Variants in HDGFL2 observed in about 807,000 individuals in gnomAD.
HDGFL2 encodes hepatoma-derived growth factor-related protein 2.
In HDGFL2, 36 loss-of-function variants were observed where a neutral mutation model predicts 77.1. The ratio of observed to expected loss-of-function variants is 0.47; its 90% CI spans 0.36 to 0.62. The LOEUF (loss-of-function observed/expected upper bound fraction) is 0.62. Among genes scored for constraint, HDGFL2 ranks in the 20% least tolerant of loss-of-function variants. The probability of loss-of-function intolerance (pLI) is 0.00; values close to 1 mark genes in which losing one functional copy is unlikely to be tolerated. For missense variants in HDGFL2, 976 were observed against 973.4 expected (o/e 1.00, Z -0.04); for synonymous variants, 463 against 413.1 (o/e 1.12, Z -1.46).
chr19:4,501,681 C>T (rs1568220423), intron 15 of HDGFL2: 2 of 500,080 alleles, frequency 4.0e-6, no homozygotes, highest in Non-Finnish European at 7.0e-6. Flanking sequence ...TCAGTGGAGT[C>T]ACTCACTTAC....
chr19:4,475,682 G>T lies in HDGFL2; in HGVS notation c.288+99G>T, dbSNP rs1975054267. On this transcript the variant is annotated intron_variant, in intron 3 of 15. Transcript: ENST00000616600. ...CCCCTGGGCACTGTGGACACATGGG[G>T]CTCGATCGTTCCCTGTGGTGGGGCA... 2.2e-6 allele frequency: 3 copies of T among 1,389,496 alleles called. No homozygotes were observed. In the East Asian group the frequency reaches 7.4e-5, roughly 34 times the overall value. The allele number at this position is 1,389,496 out of a possible 1,614,324, so 86.1% of individuals were successfully genotyped here.
intron 12 of HDGFL2, 85 bp downstream of exon 12, chr19:4,498,461 C>G: frequency 9.0e-7 from 1 of 1,114,510 alleles, no homozygotes; most frequent in Non-Finnish European, 1.3e-6. Context: ...GAAACTGAGG[C>G]AAAGCCGGGG....
At chr19:4,485,431 A>G (rs1975335212) in intron 3 of HDGFL2, among the ~76,000 whole-genome samples, 1 of 151,942 alleles carries the variant, frequency 6.6e-6, no homozygotes, top group South Asian at 2.1e-4. Flanking sequence ...TTTTCAGAGA[A>G]TGTGGCTTTT....
intron 3 of HDGFL2, among the ~76,000 whole-genome samples, chr19:4,477,758 C>T (rs1267583360): frequency 6.6e-6 from 1 of 152,166 alleles, no homozygotes; most frequent in Non-Finnish European, 1.5e-5. Flanking sequence ...TCTGGCCCAT[C>T]TATGCTTCTA....
chr19:4,475,703 G>T, intron 3 of HDGFL2, 120 bp downstream of exon 3: 1 of 1,230,808 alleles, frequency 8.1e-7, no homozygotes, highest in Non-Finnish European at 1.1e-6. Flanking sequence ...CCCTGTGGTG[G>T]GGCATTCTGG....
intron 3 of HDGFL2, among the ~76,000 whole-genome samples, chr19:4,486,998 C>T (rs558309453): frequency 3.9e-5 from 6 of 152,156 alleles, no homozygotes; most frequent in African/African-American, 1.4e-4. Context: ...CGGAGTCTCG[C>T]TCTGTCACCC....
At chr19:4,496,482 G>T in intron 10 of HDGFL2, 77 bp downstream of exon 10, 1 of 1,106,326 alleles carries the variant, frequency 9.0e-7, no homozygotes, top group Non-Finnish European at 1.3e-6. Context: ...CCCTCACAGG[G>T]GCAGCCCCAC....
intron 6 of HDGFL2, among the ~76,000 whole-genome samples, chr19:4,492,562 G>A (rs1975545982): frequency 6.6e-6 from 1 of 151,398 alleles, no homozygotes; most frequent in Admixed American, 6.6e-5. Context: ...GTGTTTGTGT[G>A]TCTGGTGTGT....
intron 3 of HDGFL2, among the ~76,000 whole-genome samples, chr19:4,477,144 T>C (rs1281403171): frequency 6.6e-6 from 1 of 152,090 alleles, no homozygotes; most frequent in Non-Finnish European, 1.5e-5. Flanking sequence ...GCCTCTCCTT[T>C]GTTTCGGCCT....
chr19:4,486,403 CTGAA>C (rs1279092379), intron 3 of HDGFL2: 3 of 151,792 alleles, frequency 2.0e-5, no homozygotes, highest in African/African-American at 7.3e-5. Context: ...ATGATCATCA[CTGAA>C]TGAATGAGTA....
intron 1 of HDGFL2, among the ~76,000 whole-genome samples, chr19:4,472,871 C>T (rs1477662282): frequency 1.5e-4 from 22 of 145,012 alleles, no homozygotes; most frequent in Non-Finnish European, 2.1e-4. Context: ...TGGGGGTGTC[C>T]AAGCCCTGCA....
chr19:4,501,114 C>A (rs1975863499), intron 14 of HDGFL2, 77 bp from the exon 15 acceptor site: 18 of 1,584,238 alleles, frequency 1.1e-5, no homozygotes, highest in Non-Finnish European at 1.5e-5. Context: ...GCCCCTGGTC[C>A]AGTCCTTGAC....
In HDGFL2 at chr19:4,501,334, G is replaced by A. The variant is rs202044743; in HGVS notation, c.1916+17G>A. 56 of 1,573,796 alleles carry A rather than the reference G, an allele frequency of 3.6e-5. No homozygotes were observed. The East Asian group carries it at 6.6e-4, about 19-fold the overall frequency. On this transcript the variant is annotated intron_variant, in intron 15 of 15. Coordinates refer to ENST00000616600, the MANE Select transcript of HDGFL2 (RefSeq NM_001001520.3). Reference sequence around the variant, plus strand: ...CCTGCACGAGTGAGTGTCCCGGGCCGTGGGGTTTGGACTCCTGAGCGGCAG... The same window carrying A: ...CCTGCACGAGTGAGTGTCCCGGGCCATGGGGTTTGGACTCCTGAGCGGCAG...
At chr19:4,485,697 G>A (rs551903599) in intron 3 of HDGFL2, among the ~76,000 whole-genome samples, 2 of 151,356 alleles carry the variant, frequency 1.3e-5, no homozygotes, top group Non-Finnish European at 2.9e-5. Context: ...AACCGAGATG[G>A]CACCACTGCC....
rs1599715003 is a variant in HDGFL2, at chr19:4,491,494, C to T, written c.490-72C>T. On this transcript the variant is annotated intron_variant, in intron 4 of 15. Transcript: ENST00000616600. ...GAGCTCAGCTGTCGTGGGTGGTGGG[C>T]AGTCAGCTGGGGGCTTCCTGCCAGG... 7.6e-6 allele frequency: 10 copies of T among 1,321,364 alleles called. No homozygotes were observed. In the East Asian group the frequency reaches 2.3e-4, roughly 30 times the overall value. 81.9% of individuals were successfully genotyped at this position (1,321,364 alleles called of 1,614,324 possible).
chr19:4,494,216 C>T lies in HDGFL2; in HGVS notation c.965C>T (p.Ala322Val), dbSNP rs1330698344. Reference protein sequence around the residue: ...RISEWKRRDEARRRELEARRR... With the variant: ...RISEWKRRDEVRRRELEARRR... ...AGTGAGTGGAAGCGGCGGGACGAGG[C>T]GCGGAGGCGCGAGCTGGAGGCCCGG... Residue 322 changes from alanine (A) to valine (V), a missense_variant, in exon 9 of 16, where the codon GCG (alanine) becomes GTG (valine). Transcript: ENST00000616600. The T allele has an allele frequency of 6.8e-7, 1 of 1,465,076 alleles. No homozygotes were observed. The highest frequency in any genetic ancestry group is 9.0e-7 in the Non-Finnish European group (1 of 1,112,494). The allele number at this position is 1,465,076 out of a possible 1,614,324, so 90.8% of individuals were successfully genotyped here. A position where few individuals can be genotyped will look rare whatever the true frequency, so the allele number is the denominator to read the frequency against.
intron 15 of HDGFL2, 22 bp downstream of exon 15, chr19:4,501,339 G>A: frequency 1.9e-6 from 3 of 1,567,572 alleles, no homozygotes; most frequent in South Asian, 2.4e-5. Context: ...GGGCCGTGGG[G>A]TTTGGACTCC....
rs756983810 is a variant in HDGFL2, at chr19:4,488,784, G to A, written c.397G>A (p.Ala133Thr). ...RGVMAVTAVT[A>T]TAASDRMESD... is the part of the protein sequence containing the mutation. ...GGTCATGGCCGTCACAGCGGTAACC[G>A]CCACAGCTGCCAGCGACAGGATGGA... Residue 133 changes from alanine to threonine, a missense_variant, in exon 4 of 16, where the codon GCC becomes ACC. Ala to Thr is a moderately conservative substitution (Grantham distance 58, BLOSUM62 0). Transcript: ENST00000616600. The A allele has an allele frequency of 1.3e-4, 195 of 1,551,942 alleles. No homozygotes were observed. Among genetic ancestry groups the A allele is most frequent in the Middle Eastern group, 6.7e-4 (4 of 5,992 alleles).
intron 4 of HDGFL2, 67 bp downstream of exon 4, chr19:4,488,943 T>A: frequency 8.3e-6 from 9 of 1,086,138 alleles, no homozygotes; most frequent in Non-Finnish European, 1.0e-5. Flanking sequence ...GGCAGCTTGC[T>A]CTCCTGCCCT....
Sources: allele counts gnomAD v4.1 joint callset (sites outside exome capture counted in the v4.1 genomes callset), GRCh38; gene constraint gnomAD v4.1.1; transcripts MANE v1.5; gene names NCBI Gene and HGNC (gene_info 2026-07-23, HGNC 2026-07-21).